ADAMTSL1: variants seen among roughly 807,000 people sequenced by gnomAD.
ADAMTSL1 encodes the protein ADAMTS-like protein 1.
A neutral mutation model predicts 201.8 loss-of-function variants in ADAMTSL1; 126 were observed. That is an observed-to-expected ratio of 0.62 (90% CI 0.54 to 0.72). The LOEUF (loss-of-function observed/expected upper bound fraction) is 0.72. Ranked by LOEUF, ADAMTSL1 falls within the 30% of genes least tolerant of loss-of-function variation. The probability of loss-of-function intolerance (pLI) is 0.00; values close to 1 mark genes in which losing one functional copy is unlikely to be tolerated. For synonymous variants in ADAMTSL1, 1,121 were observed against 903.4 expected, an observed-to-expected ratio of 1.24 and a Z score of -4.32; for missense variants, 2,679 against 2,277.8, an observed-to-expected ratio of 1.18 and a Z score of -3.59.
chr9:18,850,247 C>T (rs1374373792), intron 23 of ADAMTSL1, among the ~76,000 whole-genome samples: 1 of 152,140 alleles, frequency 6.6e-6, no homozygotes, highest in East Asian at 1.9e-4. Context: ...CCTGCCATGT[C>T]CAACAGGAAT....
intron 1 of ADAMTSL1, among the ~76,000 whole-genome samples, chr9:18,025,567 T>A (rs894550824): frequency 6.6e-6 from 1 of 152,100 alleles, no homozygotes; most frequent in African/African-American, 2.4e-5. Flanking sequence ...GTTGCAGGTG[T>A]GTGGCTTTAT....
chr9:18,478,093 G>T (rs1302373883), intron 1 of ADAMTSL1, among the ~76,000 whole-genome samples: 1 of 152,140 alleles, frequency 6.6e-6, no homozygotes, highest in Admixed American at 6.5e-5. Context: ...AAATTGGAAA[G>T]CAGTCTTCTA....
At chr9:18,020,356 A>G (rs1820430141) in intron 1 of ADAMTSL1, among the ~76,000 whole-genome samples, 1 of 152,006 alleles carries the variant, frequency 6.6e-6, no homozygotes, top group Non-Finnish European at 1.5e-5. Context: ...TGTGAAAAAG[A>G]TTGTGGCTTT....
At chr9:17,920,512 G>C (rs540133674) in intron 1 of ADAMTSL1, among the ~76,000 whole-genome samples, 17 of 152,260 alleles carry the variant, frequency 1.1e-4, no homozygotes, top group African/African-American at 3.6e-4. Flanking sequence ...TAGACTCCTA[G>C]GTTGAAAATA....
Position 18,910,518 on chromosome 9 carries a change from G to A in ADAMTSL1, c.*1970G>A, listed in dbSNP as rs867173493. The A allele has an allele frequency of 2.6e-5, 4 of 152,172 alleles. No homozygotes were observed. The highest frequency in any genetic ancestry group is 6.5e-5 in the Admixed American group (1 of 15,288). 9.4% of individuals were successfully genotyped at this position (152,172 alleles called of 1,614,324 possible). A position where few individuals can be genotyped will look rare whatever the true frequency, so the allele number is the denominator to read the frequency against. The stretch of plus-strand genomic sequence containing the variant: ...ATCCATTCACTGTACAGGATGTGTT[G>A]TAAAAACTAACATGGGATGCTGAGG... On this transcript the variant is annotated 3_prime_UTR_variant, in exon 29 of 29. Coordinates refer to ENST00000380548, the MANE Select transcript of ADAMTSL1 (RefSeq NM_001040272.6).
At chr9:18,842,858 C>T (rs1170739756) in intron 23 of ADAMTSL1, among the ~76,000 whole-genome samples, 1 of 151,346 alleles carries the variant, frequency 6.6e-6, no homozygotes, top group East Asian at 1.9e-4. Flanking sequence ...GGATTGCAAC[C>T]CCTGCCTTTT....
intron 3 of ADAMTSL1, among the ~76,000 whole-genome samples, chr9:18,569,972 AG>A (rs1397555442): frequency 2.0e-5 from 3 of 152,322 alleles, no homozygotes; most frequent in African/African-American, 7.2e-5. Flanking sequence ...GGCATCAAAA[AG>A]CATCTCTCCA....
intron 23 of ADAMTSL1, among the ~76,000 whole-genome samples, chr9:18,851,088 G>T (rs1412686564): frequency 6.6e-6 from 1 of 151,888 alleles, no homozygotes; most frequent in Non-Finnish European, 1.5e-5. Flanking sequence ...TAAATTATAG[G>T]ATCAGAACTT....
At chr9:18,009,874 C>T (rs1303257221) in intron 1 of ADAMTSL1, among the ~76,000 whole-genome samples, 2 of 152,064 alleles carry the variant, frequency 1.3e-5, no homozygotes, top group African/African-American at 4.8e-5. Context: ...TACTCAGTCA[C>T]AAACATGCCA....
In ADAMTSL1 at chr9:18,720,573, C is replaced by G. The variant is rs143382050; in HGVS notation, c.1877-963C>G. ...CCGAGGTGGGCAGATCACTTGAGGT[C>G]AGGAGTTCGAGACAGACTGACCAGC... On this transcript the variant is annotated intron_variant, in intron 14 of 28. Transcript: ENST00000380548. Among the ~76,000 whole-genome samples the G allele has an allele frequency of 4.5e-3, 678 of 152,280 alleles. 6 individuals carry two copies. Among genetic ancestry groups the G allele is most frequent in the Non-Finnish European group, 7.1e-3 (483 of 68,024 alleles).
At chr9:18,786,390 G>T (rs2133802635) in intron 19 of ADAMTSL1, among the ~76,000 whole-genome samples, 1 of 152,324 alleles carries the variant, frequency 6.6e-6, no homozygotes, top group Non-Finnish European at 1.5e-5. Flanking sequence ...GCTGGAATCA[G>T]AGCAACTTTG....
intron 13 of ADAMTSL1, among the ~76,000 whole-genome samples, chr9:18,689,275 A>G (rs1831066401): frequency 6.6e-6 from 1 of 152,202 alleles, no homozygotes; most frequent in Admixed American, 6.5e-5. Context: ...CCTGACATGT[A>G]TCACCCACGC....
At chr9:18,721,882 G>C (rs370750491) in intron 15 of ADAMTSL1, among the ~76,000 whole-genome samples, 1 of 152,220 alleles carries the variant, frequency 6.6e-6, no homozygotes, top group African/African-American at 2.4e-5. Context: ...GGAAGATACC[G>C]TGCATTCACT....
intron 2 of ADAMTSL1, among the ~76,000 whole-genome samples, chr9:18,453,896 C>T (rs1820507922): frequency 6.6e-6 from 1 of 152,092 alleles, no homozygotes; most frequent in African/African-American, 2.4e-5. Context: ...CTAGAAACTC[C>T]CAAGCCAATT....
At chr9:18,149,986 G>C (rs1350635662) in intron 1 of ADAMTSL1, among the ~76,000 whole-genome samples, 1 of 152,086 alleles carries the variant, frequency 6.6e-6, no homozygotes, top group Non-Finnish European at 1.5e-5. Context: ...GACAGAGTTT[G>C]TAGAAGCAAG....
At chr9:18,584,042 G>T (rs1823298435) in intron 4 of ADAMTSL1, among the ~76,000 whole-genome samples, 1 of 152,314 alleles carries the variant, frequency 6.6e-6, no homozygotes, top group Middle Eastern at 3.4e-3. Context: ...GACTTTGGGG[G>T]ACTGTTGAGA....
intron 2 of ADAMTSL1, among the ~76,000 whole-genome samples, chr9:18,371,886 C>G (rs1460674023): frequency 6.6e-6 from 1 of 152,190 alleles, no homozygotes. Flanking sequence ...GCTCTGGGCT[C>G]AGCTCTGATG....
At chr9:18,460,681 C>G (rs1365821017) in intron 2 of ADAMTSL1, among the ~76,000 whole-genome samples, 1 of 152,192 alleles carries the variant, frequency 6.6e-6, no homozygotes, top group Non-Finnish European at 1.5e-5. Context: ...TGCTTTCATA[C>G]TTTGCAAAAG....
intron 2 of ADAMTSL1, among the ~76,000 whole-genome samples, chr9:18,318,326 A>C (rs1472661562): frequency 6.6e-6 from 1 of 152,186 alleles, no homozygotes; most frequent in Non-Finnish European, 1.5e-5. Flanking sequence ...TCTTAGACTA[A>C]TGGTTTTCAA....
Sources: gnomAD v4.1 joint callset for allele counts (sites outside exome capture counted in the v4.1 genomes callset) on GRCh38, gnomAD v4.1.1 for gene constraint, MANE v1.5 for transcripts, NCBI Gene and HGNC (gene_info 2026-07-23, HGNC 2026-07-21) for gene names.